The following SLC2A5 variants were observed in gnomAD, a reference collection of about 807,000 sequenced individuals.
The protein encoded by SLC2A5 is solute carrier family 2, facilitated glucose transporter member 5.
SLC2A5 carries 56 observed loss-of-function variants against 50.3 expected under a neutral mutation model. The ratio of observed to expected loss-of-function variants is 1.11; its 90% CI spans 0.90 to 1.39. SLC2A5 has a LOEUF of 1.39. SLC2A5 is among the 40% of genes most tolerant of loss of function. SLC2A5 has a pLI of 0.00. For synonymous variants in SLC2A5, 269 were observed against 281.9 expected, an observed-to-expected ratio of 0.95 and a Z score of 0.46; for missense variants, 566 against 650.1, an observed-to-expected ratio of 0.87 and a Z score of 1.41.
intron 3 of SLC2A5, among the ~76,000 whole-genome samples, chr1:9,053,476 A>G (rs1486832835): frequency 3.7e-5 from 3 of 80,240 alleles, no homozygotes; most frequent in Non-Finnish European, 6.6e-5. Flanking sequence ...ATATATTTAT[A>G]TATATTATAT....
chr1:9,077,424 G>A (rs986304453), intron 2 of SLC2A5, among the ~76,000 whole-genome samples: 2 of 128,632 alleles, frequency 1.6e-5, no homozygotes, highest in African/African-American at 3.0e-5. Flanking sequence ...AAAAAAAAAA[G>A]AACACAAAAA....
At chr1:9,067,493 A>G (rs1193088898) in intron 1 of SLC2A5, among the ~76,000 whole-genome samples, 1 of 152,186 alleles carries the variant, frequency 6.6e-6, no homozygotes, top group Non-Finnish European at 1.5e-5. Flanking sequence ...GACGTGGGGA[A>G]CGTGGCAGTT....
Position 9,037,591 on chromosome 1 carries a change from G to T in SLC2A5, c.1501C>A (p.Gln501Lys). 2 of 1,613,572 alleles carry T rather than the reference G, an allele frequency of 1.2e-6. No homozygotes were observed. The highest frequency in any genetic ancestry group is 1.7e-6 in the Non-Finnish European group (2 of 1,179,660). The change falls in exon 12 of 12, where the codon CAG becomes AAG. Residue 501 changes from glutamine (Q) to lysine (K), a missense_variant. By Grantham distance (53) the Gln-to-Lys change is moderately conservative (BLOSUM62 1). Transcript: ENST00000377424. The stretch of plus-strand genomic sequence containing the variant: ...CACTGGCTTCCTCTCCAGAGTCACT[G>T]TTCCGAAGTGACAGGTGGAAGCTCT... ...LKELPPVTSE[Q>K]
chr1:9,045,109 T>A (rs958393806), intron 4 of SLC2A5, among the ~76,000 whole-genome samples: 4 of 152,178 alleles, frequency 2.6e-5, no homozygotes, highest in African/African-American at 9.7e-5. Context: ...TATGGGAGTT[T>A]TCCAGAGACT....
At chr1:9,069,381 A>T in intron 1 of SLC2A5, 123 bp downstream of exon 1, 1 of 988,992 alleles carries the variant, frequency 1.0e-6, no homozygotes, top group South Asian at 1.4e-5. Context: ...CCCCACCATA[A>T]TCCCTCCCAA....
intron 3 of SLC2A5, among the ~76,000 whole-genome samples, chr1:9,053,315 G>C (rs59010523): frequency 2.9e-4 from 1 of 3,428 alleles, no homozygotes; most frequent in Non-Finnish European, 5.0e-4. Context: ...TTTATATATT[G>C]TATTTATATA....
chr1:9,048,081 G>A (rs1242685988), intron 3 of SLC2A5, among the ~76,000 whole-genome samples: 1 of 152,152 alleles, frequency 6.6e-6, no homozygotes, highest in African/African-American at 2.4e-5. Context: ...TCCTGGGTAA[G>A]GACATTAGAG....
chr1:9,048,491 G>A (rs987916611), intron 3 of SLC2A5, among the ~76,000 whole-genome samples: 2 of 152,028 alleles, frequency 1.3e-5, no homozygotes, highest in African/African-American at 4.8e-5. Context: ...CAGCCTGGGT[G>A]ACAGAGCGAG....
At chr1:9,038,645 A>G in intron 9 of SLC2A5, 139 bp from the exon 10 acceptor site, 1 of 1,193,874 alleles carries the variant, frequency 8.4e-7, no homozygotes, top group Non-Finnish European at 1.2e-6. Context: ...GCCACTGGGA[A>G]ATCAGCTGAA....
At chr1:9,069,665 G>C (rs1197823097), upstream of SLC2A5, 10 of 956,848 alleles carry the variant, frequency 1.0e-5, no homozygotes, top group African/African-American at 6.4e-5. Context: ...CATTTTTATA[G>C]CCAGATTAAG....
intron 3 of SLC2A5, among the ~76,000 whole-genome samples, chr1:9,051,522 G>T (rs975809543): frequency 2.0e-5 from 3 of 152,132 alleles, no homozygotes; most frequent in African/African-American, 7.2e-5. Context: ...AAGATACGCA[G>T]ATGGGAAATA....
At chr1:9,065,011 C>G (rs1642043631) in intron 1 of SLC2A5, among the ~76,000 whole-genome samples, 1 of 149,870 alleles carries the variant, frequency 6.7e-6, no homozygotes, top group Non-Finnish European at 1.5e-5. Flanking sequence ...TGAAATTACA[C>G]CATTGCACTC....
At chr1:9,052,024 G>A (rs538447030) in intron 3 of SLC2A5, among the ~76,000 whole-genome samples, 72 of 152,312 alleles carry the variant, frequency 4.7e-4, no homozygotes, top group African/African-American at 1.6e-3. Context: ...GGTGGCTCAC[G>A]CCTGTAATCC....
upstream of SLC2A5, among the ~76,000 whole-genome samples, chr1:9,088,705 C>T (rs527328906): frequency 1.1e-4 from 16 of 152,300 alleles, no homozygotes; most frequent in African/African-American, 3.4e-4. Context: ...ATTGCCTCAA[C>T]CCAGGAGGTG....
At chr1:9,083,722 G>A (rs1185244783) in intron 2 of SLC2A5, among the ~76,000 whole-genome samples, 1 of 152,232 alleles carries the variant, frequency 6.6e-6, no homozygotes, top group Non-Finnish European at 1.5e-5. Context: ...CTACTCGGGA[G>A]GCTGAGGCAG....
chr1:9,061,058 G>A (rs924715962), intron 1 of SLC2A5, among the ~76,000 whole-genome samples: 5 of 151,952 alleles, frequency 3.3e-5, no homozygotes, highest in Admixed American at 6.6e-5. Context: ...GTTGAGATGG[G>A]TAGACTGCTT....
intron 1 of SLC2A5, among the ~76,000 whole-genome samples, chr1:9,060,306 CCCA>C (rs1416049877): frequency 7.7e-6 from 1 of 129,208 alleles, no homozygotes; most frequent in Admixed American, 7.9e-5. Flanking sequence ...CACACGCCCC[CCCA>C]CATGTACACA....
chr1:9,044,115 G>A (rs1288641378), intron 4 of SLC2A5, among the ~76,000 whole-genome samples: 1 of 151,676 alleles, frequency 6.6e-6, no homozygotes, highest in Non-Finnish European at 1.5e-5. Flanking sequence ...GATCACTTGA[G>A]GCCAGGAGTT....
chr1:9,035,676 C>T lies in SLC2A5; in HGVS notation c.*1910G>A, dbSNP rs1641121259. 6.6e-6 allele frequency: 1 copy of T among 152,212 alleles called. No individual in the cohort carries two copies. Among genetic ancestry groups the T allele is most frequent in the African/African-American group, 2.4e-5 (1 of 41,452 alleles). 9.4% of individuals were successfully genotyped at this position (152,212 alleles called of 1,614,324 possible). Reference sequence around the variant, plus strand: ...CTTTATTCATATCTCTAAGAAAAACCTCCAGCTCTCTATATTTTTGGGGAG... The same window carrying T: ...CTTTATTCATATCTCTAAGAAAAACTTCCAGCTCTCTATATTTTTGGGGAG... On this transcript the variant is annotated 3_prime_UTR_variant, in exon 12 of 12. Coordinates refer to ENST00000377424, the MANE Select transcript of SLC2A5 (RefSeq NM_003039.3).
Sources: allele counts gnomAD v4.1 joint callset (sites outside exome capture counted in the v4.1 genomes callset), GRCh38; gene constraint gnomAD v4.1.1; transcripts MANE v1.5; gene names NCBI Gene and HGNC (gene_info 2026-07-23, HGNC 2026-07-21).